Variants in ASPRV1 observed in about 807,000 individuals in gnomAD.
The protein encoded by ASPRV1 is aspartic peptidase retroviral like 1, also known as retroviral-like aspartic protease 1.
In ASPRV1, 7 loss-of-function variants were observed where a neutral mutation model predicts 11.0. The ratio of observed to expected loss-of-function variants is 0.64; its 90% CI spans 0.36 to 1.20. The LOEUF (loss-of-function observed/expected upper bound fraction) is 1.20, where lower values mean the gene tolerates loss of function less well. ASPRV1 is among the 50% of genes most tolerant of loss of function. The pLI is 0.02. For missense variants in ASPRV1, 299 were observed against 320.0 expected (o/e 0.93, Z 0.50); for synonymous variants, 136 against 138.4 (o/e 0.98, Z 0.12).
chr2:69,933,863 T>C, the ASPRV1 span, among the ~76,000 whole-genome samples: 1 of 152,208 alleles, frequency 6.6e-6, no homozygotes, highest in Admixed American at 6.5e-5. Flanking sequence ...AGGCATTGCA[T>C]TGTTTCCCAA....
chr2:69,958,084 T>C (rs1677980622), downstream of ASPRV1, among the ~76,000 whole-genome samples: 1 of 152,126 alleles, frequency 6.6e-6, no homozygotes, highest in African/African-American at 2.4e-5. Context: ...CAACCCACTT[T>C]TTCTGGCTTC....
chr2:69,982,980 G>C, the ASPRV1 span, among the ~76,000 whole-genome samples: 1 of 152,116 alleles, frequency 6.6e-6, no homozygotes, highest in Non-Finnish European at 1.5e-5. Flanking sequence ...GTGCAGTGGT[G>C]TGATCTTGGC....
the ASPRV1 span, among the ~76,000 whole-genome samples, chr2:70,064,473 A>G: frequency 6.6e-6 from 1 of 152,250 alleles, no homozygotes; most frequent in African/African-American, 2.4e-5. Context: ...TGTAGGATCA[A>G]GGCTAATCAG....
At chr2:70,001,139 TG>T in the ASPRV1 span, among the ~76,000 whole-genome samples, 2 of 152,022 alleles carry the variant, frequency 1.3e-5, no homozygotes, top group Admixed American at 1.3e-4. Context: ...GCATACTCCT[TG>T]ATCTACTCTA....
chr2:70,032,436 G>C, the ASPRV1 span, among the ~76,000 whole-genome samples: 3 of 151,582 alleles, frequency 2.0e-5, no homozygotes, highest in South Asian at 6.2e-4. Context: ...CGGGAGGGCT[G>C]CTTGAGCACC....
the ASPRV1 span, among the ~76,000 whole-genome samples, chr2:69,999,299 A>C: frequency 0.062 from 9,356 of 151,866 alleles, 1,000 homozygotes; most frequent in African/African-American, 0.21. Flanking sequence ...AAAAAAAAAA[A>C]CTCACTAAAA....
the ASPRV1 span, among the ~76,000 whole-genome samples, chr2:69,988,230 A>G: frequency 6.6e-6 from 1 of 152,272 alleles, no homozygotes; most frequent in East Asian, 1.9e-4. Context: ...TCACAGCAGC[A>G]TTATTGGTTT....
the ASPRV1 span, among the ~76,000 whole-genome samples, chr2:70,076,931 T>C: frequency 6.6e-6 from 1 of 152,192 alleles, no homozygotes; most frequent in Admixed American, 6.5e-5. Context: ...TTTTGCATCA[T>C]CGTAAAGTTG....
chr2:70,009,116 A>G, the ASPRV1 span, among the ~76,000 whole-genome samples: 1 of 152,164 alleles, frequency 6.6e-6, no homozygotes, highest in African/African-American at 2.4e-5. Context: ...TATCCCTGCC[A>G]CTCACATGTG....
chr2:70,077,210 TATC>T, the ASPRV1 span: 2 of 152,198 alleles, frequency 1.3e-5, no homozygotes, highest in African/African-American at 2.4e-5. Context: ...TTATTTTTGT[TATC>T]ATCATTATCA....
the ASPRV1 span, chr2:70,086,344 C>G: frequency 2.6e-5 from 4 of 152,224 alleles, no homozygotes; most frequent in Non-Finnish European, 2.9e-5. Context: ...GCCGCTTTCC[C>G]TGAGAGATTG....
At chr2:70,048,242 C>G in the ASPRV1 span, among the ~76,000 whole-genome samples, 2 of 150,264 alleles carry the variant, frequency 1.3e-5, no homozygotes, top group African/African-American at 4.9e-5. Flanking sequence ...AGTGAAACCC[C>G]ATCTCTACTA....
chr2:69,956,124 A>G (rs1367052323), downstream of ASPRV1, among the ~76,000 whole-genome samples: 1 of 152,208 alleles, frequency 6.6e-6, no homozygotes, highest in Non-Finnish European at 1.5e-5. Flanking sequence ...AGGAGACAGG[A>G]GCCAGTTTGA....
chr2:69,994,527 A>G, the ASPRV1 span, among the ~76,000 whole-genome samples: 2 of 152,182 alleles, frequency 1.3e-5, no homozygotes, highest in Non-Finnish European at 2.9e-5. Flanking sequence ...GCGGTACAGT[A>G]ACGGGCAGCC....
chr2:69,985,610 G>C, the ASPRV1 span, among the ~76,000 whole-genome samples: 1 of 152,194 alleles, frequency 6.6e-6, no homozygotes, highest in East Asian at 1.9e-4. Context: ...GCTGGGCTGA[G>C]ATATAGAACT....
At chr2:70,018,148 T>TAAATAAAATA in the ASPRV1 span, 3 of 149,040 alleles carry the variant, frequency 2.0e-5, no homozygotes, top group African/African-American at 5.0e-5. Flanking sequence ...AATAAATAAA[T>TAAATAAAATA]AAATAAAATA....
At chr2:69,963,107 G>C (rs1678191065), upstream of ASPRV1, 1 of 371,266 alleles carries the variant, frequency 2.7e-6, no homozygotes, top group Non-Finnish European at 5.3e-6. Context: ...GCCTCTGGAT[G>C]GCCCAGGTCC....
the ASPRV1 span, among the ~76,000 whole-genome samples, chr2:69,994,737 C>G: frequency 6.6e-6 from 1 of 152,150 alleles, no homozygotes; most frequent in South Asian, 2.1e-4. Context: ...GTGGCTTATG[C>G]CTGTAATCCC....
chr2:70,009,348 G>C, the ASPRV1 span, among the ~76,000 whole-genome samples: 3 of 89,774 alleles, frequency 3.3e-5, no homozygotes, highest in African/African-American at 6.6e-5. Flanking sequence ...ATTTATTTTA[G>C]AGATGGAGTC....
Sources: allele counts gnomAD v4.1 joint callset (sites outside exome capture counted in the v4.1 genomes callset), GRCh38; gene constraint gnomAD v4.1.1; transcripts MANE v1.5; gene names NCBI Gene and HGNC (gene_info 2026-07-23, HGNC 2026-07-21).